Variants in PRR11 observed in about 807,000 individuals in gnomAD.
The protein encoded by PRR11 is proline-rich protein 11.
A neutral mutation model predicts 45.6 loss-of-function variants in PRR11; 30 were observed. That is an observed-to-expected ratio of 0.66 (90% CI 0.49 to 0.89). The LOEUF is 0.89. Ranked by LOEUF, PRR11 falls within the 40% of genes least tolerant of loss-of-function variation. PRR11 has a pLI of 0.00. For missense variants in PRR11, 373 were observed against 424.8 expected, an observed-to-expected ratio of 0.88 and a Z score of 1.07; for synonymous variants, 128 against 153.5, an observed-to-expected ratio of 0.83 and a Z score of 1.23.
In PRR11 at chr17:59,204,705, C is replaced by CAA. The variant is rs776227224; in HGVS notation, c.*3087_*3088dup. ...TGGACAACAGAGTGAGACCCTGTGTCAAAAAAAAAAAAAAGAAAGAAAGAA... is the reference window on the plus strand; with the variant it reads ...TGGACAACAGAGTGAGACCCTGTGTCAAAAAAAAAAAAAAAAGAAAGAAAGAA... On this transcript the variant is annotated 3_prime_UTR_variant, in exon 10 of 10. Coordinates refer to ENST00000262293, the MANE Select transcript of PRR11 (RefSeq NM_018304.4). 1.8e-5 allele frequency: 2 copies of CAA among 113,238 alleles called. No homozygotes were observed. 7.0% of individuals were successfully genotyped at this position (113,238 alleles called of 1,614,324 possible). A position where few individuals can be genotyped will look rare whatever the true frequency, so the allele number is the denominator to read the frequency against.
intron 2 of PRR11, among the ~76,000 whole-genome samples, chr17:59,183,958 G>A (rs1293788732): frequency 7.6e-6 from 1 of 132,150 alleles, no homozygotes; most frequent in Non-Finnish European, 1.5e-5. Flanking sequence ...AACCAAATTA[G>A]CCAGGTGTGG....
At chr17:59,186,840 C>T (rs2046816613) in intron 4 of PRR11, among the ~76,000 whole-genome samples, 1 of 151,966 alleles carries the variant, frequency 6.6e-6, no homozygotes, top group Admixed American at 6.6e-5. Flanking sequence ...ACAAAAAAGA[C>T]CAACAACTTA....
At chr17:59,175,918 G>A (rs577940237) in intron 2 of PRR11, among the ~76,000 whole-genome samples, 7 of 152,140 alleles carry the variant, frequency 4.6e-5, no homozygotes, top group Non-Finnish European at 8.8e-5. Flanking sequence ...AAAAATAAAA[G>A]AAATTGAATA....
At chr17:59,186,203 A>T (rs2046813008) in intron 4 of PRR11, among the ~76,000 whole-genome samples, 1 of 151,848 alleles carries the variant, frequency 6.6e-6, no homozygotes, top group African/African-American at 2.4e-5. Flanking sequence ...GGCTCAAGTG[A>T]TCCTCCTACC....
At position 59,169,975 on chromosome 17, in the gene PRR11, G is replaced by A. The variant is rs1415391464; in HGVS notation, c.128+95G>A. On this transcript the variant is annotated intron_variant, in intron 2 of 9. Coordinates refer to ENST00000262293, the MANE Select transcript of PRR11 (RefSeq NM_018304.4). Reference sequence around the variant, plus strand: ...AGCAAATAAAAATAGAAGGCAGGCCGGGTGCAGTCATTCATTCCTGTAATC... The same window carrying A: ...AGCAAATAAAAATAGAAGGCAGGCCAGGTGCAGTCATTCATTCCTGTAATC... The A allele has an allele frequency of 1.1e-5, 16 of 1,422,596 alleles. No homozygotes were observed. In the East Asian group the frequency reaches 2.2e-4, roughly 19 times the overall value. 88.1% of individuals were successfully genotyped at this position (1,422,596 alleles called of 1,614,324 possible).
rs552082885 is a variant in PRR11 at position 59,164,858 on chromosome 17, G to A, written c.-5-4890G>A. ...CATGCCACTGCATTCCAGCCTGCACGACAGAGCAAGACCGTGTCTCAAAAA... is the reference window on the plus strand; with the variant it reads ...CATGCCACTGCATTCCAGCCTGCACAACAGAGCAAGACCGTGTCTCAAAAA... On this transcript the variant is annotated intron_variant, in intron 1 of 9. Transcript: ENST00000262293. Among the ~76,000 whole-genome samples the A allele has an allele frequency of 4.0e-5, 6 of 150,444 alleles. No homozygotes were observed. In the South Asian group the frequency reaches 6.3e-4, roughly 16 times the overall value.
At position 59,171,124 on chromosome 17, in the gene PRR11, G is replaced by A. The variant is rs371492366; in HGVS notation, c.128+1244G>A. 2.2e-4 allele frequency among the ~76,000 whole-genome samples: 34 copies of A among 152,240 alleles called. 1 individual carries two copies. In the East Asian group the frequency reaches 6.4e-3, roughly 29 times the overall value. ...AATACAAAAAAAAAATTAGCCGGGCGCGGTGGCAGGCGCCTGTAGTCCCAG... is the reference window on the plus strand; with the variant it reads ...AATACAAAAAAAAAATTAGCCGGGCACGGTGGCAGGCGCCTGTAGTCCCAG... On this transcript the variant is annotated intron_variant, in intron 2 of 9. Transcript: ENST00000262293.
chr17:59,203,089 A>G lies in PRR11; in HGVS notation c.*1458A>G, dbSNP rs927688181. Among the ~76,000 whole-genome samples the G allele has an allele frequency of 6.6e-6, 1 of 152,224 alleles. No individual in the cohort carries two copies. Among genetic ancestry groups the G allele is most frequent in the Non-Finnish European group, 1.5e-5 (1 of 68,038 alleles). ...CTGTATTTCTACAGATAAATATTGC[A>G]TTGAGATGCCAAATAGAGTGTTGTT... On this transcript the variant is annotated 3_prime_UTR_variant, in exon 10 of 10. Transcript: ENST00000262293.
At chr17:59,174,314 G>GAGTCCAGAAGCCT (rs2046730009) in intron 2 of PRR11, among the ~76,000 whole-genome samples, 1 of 152,172 alleles carries the variant, frequency 6.6e-6, no homozygotes, top group African/African-American at 2.4e-5. Flanking sequence ...CACAAACCCT[G>GAGTCCAGAAGCCT]AGTCCAGAAG....
chr17:59,193,377 C>T (rs1484901883), intron 4 of PRR11, 115 bp from the exon 5 acceptor site: 10 of 1,264,128 alleles, frequency 7.9e-6, no homozygotes, highest in African/African-American at 1.5e-5. Context: ...TATCAGGAAG[C>T]ACATGGTACG....
chr17:59,181,230 C>T (rs2046783862), intron 2 of PRR11, among the ~76,000 whole-genome samples: 8 of 151,560 alleles, frequency 5.3e-5, no homozygotes, highest in Admixed American at 3.9e-4. Context: ...CCTCGTAATC[C>T]GCCCGCCTCG....
Position 59,196,420 on chromosome 17 carries a change from A to C in PRR11, c.857+977A>C, listed in dbSNP as rs2046866335. Among the ~76,000 whole-genome samples, 4 of 152,234 alleles carry C rather than the reference A, an allele frequency of 2.6e-5. No homozygotes were observed. The South Asian group carries it at 8.3e-4, about 32-fold the overall frequency. On this transcript the variant is annotated intron_variant, in intron 7 of 9. Coordinates refer to ENST00000262293, the MANE Select transcript of PRR11 (RefSeq NM_018304.4). ...GAGATGGAGTCTTGCTCTGTCGCCC[A>C]GACTGGAGTGCAGTGATGCAATATC... is the stretch of plus-strand genomic sequence containing the variant.
chr17:59,171,795 G>A (rs1401391957), intron 2 of PRR11, among the ~76,000 whole-genome samples: 8 of 151,906 alleles, frequency 5.3e-5, no homozygotes, highest in African/African-American at 1.9e-4. Context: ...GGAACTTAGG[G>A]TAACTACCAA....
chr17:59,197,618 T>C lies in PRR11; in HGVS notation c.917+15T>C. ...GATGTAGAGAGGTAATACACTCTCA[T>C]ATCTTTATGCCTTCTACGTCCATTT... On this transcript the variant is annotated intron_variant, in intron 8 of 9. Transcript: ENST00000262293. 1 of 1,611,986 alleles carries C rather than the reference T, an allele frequency of 6.2e-7. No homozygotes were observed. The highest frequency in any genetic ancestry group is 8.5e-7 in the Non-Finnish European group (1 of 1,178,030).
chr17:59,156,659 T>C (rs1050690512), intron 1 of PRR11, among the ~76,000 whole-genome samples: 1 of 151,516 alleles, frequency 6.6e-6, no homozygotes, highest in Non-Finnish European at 1.5e-5. Flanking sequence ...TTTCTTTCTT[T>C]TTTTTTTTTT....
intron 2 of PRR11, among the ~76,000 whole-genome samples, chr17:59,184,709 C>A (rs2046804979): frequency 1.3e-5 from 2 of 152,168 alleles, no homozygotes; most frequent in African/African-American, 4.8e-5. Context: ...TCCTAGTTAA[C>A]AGGCTTTCAT....
intron 9 of PRR11, among the ~76,000 whole-genome samples, chr17:59,199,611 C>T (rs1338545212): frequency 6.6e-6 from 1 of 152,208 alleles, no homozygotes; most frequent in Non-Finnish European, 1.5e-5. Flanking sequence ...CATCCGTCGG[C>T]TGCCCCTGCT....
rs1431155765 is a variant in PRR11, at chr17:59,197,578, C to T, written c.892C>T (p.Leu298=). ...PGKSQMDLRK[L]LRKVDVERSP... ...AAAAAGTCAGATGGATCTGCGGAAA[C>T]TGCTTAGAAAAGTCGATGTAGAGAG... is the stretch of plus-strand genomic sequence containing the variant. The change falls in exon 8 of 10, where the codon CTG becomes TTG. Residue 298 remains leucine, a synonymous_variant. Coordinates refer to ENST00000262293, the MANE Select transcript of PRR11 (RefSeq NM_018304.4). 1 of 1,613,982 alleles carries T rather than the reference C, an allele frequency of 6.2e-7. No homozygotes were observed. The highest frequency in any genetic ancestry group is 8.5e-7 in the Non-Finnish European group (1 of 1,179,872).
Position 59,202,342 on chromosome 17 carries a change from C to T in PRR11, c.*711C>T, listed in dbSNP as rs1271080083. The T allele has an allele frequency of 6.6e-6, 1 of 152,190 alleles. No individual in the cohort carries two copies. The highest frequency in any genetic ancestry group is 1.5e-5 in the Non-Finnish European group (1 of 68,056). The allele number at this position is 152,190 out of a possible 1,614,324, so 9.4% of individuals were successfully genotyped here. On this transcript the variant is annotated 3_prime_UTR_variant, in exon 10 of 10. Coordinates refer to ENST00000262293, the MANE Select transcript of PRR11 (RefSeq NM_018304.4). Reference sequence around the variant, plus strand: ...TTGGGAGGCCAAGGTGGGAGGATTGCTTGAGCCCAGGAATTCAAGACTAGC... The same window carrying T: ...TTGGGAGGCCAAGGTGGGAGGATTGTTTGAGCCCAGGAATTCAAGACTAGC...
Sources: allele counts gnomAD v4.1 joint callset (sites outside exome capture counted in the v4.1 genomes callset), GRCh38; gene constraint gnomAD v4.1.1; transcripts MANE v1.5; gene names NCBI Gene and HGNC (gene_info 2026-07-23, HGNC 2026-07-21).